The following NCKAP5 variants were observed in gnomAD, a reference collection of about 807,000 sequenced individuals.
NCKAP5 encodes the protein NCK associated protein 5.
Under a neutral mutation model 167.0 loss-of-function variants are expected in NCKAP5, and 92 were observed. The ratio of observed to expected loss-of-function variants is 0.55; its 90% CI spans 0.47 to 0.66. The LOEUF is 0.66. NCKAP5 is among the 30% of genes least tolerant of loss of function. NCKAP5 has a pLI of 0.00. For missense variants in NCKAP5, 2,378 were observed against 2,315.0 expected, an observed-to-expected ratio of 1.03 and a Z score of -0.56; for synonymous variants, 891 against 877.4, an observed-to-expected ratio of 1.02 and a Z score of -0.27.
intron 3 of NCKAP5, among the ~76,000 whole-genome samples, chr2:133,308,686 A>ATTTT (rs1559371090): frequency 3.4e-5 from 4 of 118,826 alleles, no homozygotes; most frequent in East Asian, 2.4e-4. Context: ...AAGAAATACA[A>ATTTT]TTCTTTTTTT....
At chr2:133,266,053 C>G (rs150193626) in intron 4 of NCKAP5, 2 of 152,448 alleles carry the variant, frequency 1.3e-5, no homozygotes, top group East Asian at 3.9e-4. Flanking sequence ...TGTTTCTGCA[C>G]GTGTGTGTGT....
intron 6 of NCKAP5, among the ~76,000 whole-genome samples, chr2:133,025,583 G>C (rs1483811606): frequency 6.6e-6 from 1 of 152,144 alleles, no homozygotes; most frequent in Non-Finnish European, 1.5e-5. Flanking sequence ...CTGACACTTT[G>C]TTAATTATGG....
intron 3 of NCKAP5, among the ~76,000 whole-genome samples, chr2:133,385,962 G>A (rs1018407891): frequency 5.9e-5 from 9 of 151,472 alleles, no homozygotes; most frequent in Middle Eastern, 3.4e-3. Flanking sequence ...TCTTGTTAGC[G>A]GTCAATCAAT....
At position 132,813,045 on chromosome 2, in the gene NCKAP5, G is replaced by T. The variant is rs538547302; in HGVS notation, c.808-16316C>A. 1.4e-3 allele frequency among the ~76,000 whole-genome samples: 215 copies of T among 152,326 alleles called. 1 individual carries two copies. Among genetic ancestry groups the T allele is most frequent in the African/African-American group, 4.9e-3 (204 of 41,566 alleles). Reference sequence around the variant, plus strand: ...TTCAACATATGAATTTGGGGGAAGAGACAAACATTCAGGCCAAAGCAGGGG... The same window carrying T: ...TTCAACATATGAATTTGGGGGAAGATACAAACATTCAGGCCAAAGCAGGGG... On this transcript the variant is annotated intron_variant, in intron 11 of 19. Coordinates refer to ENST00000409261, the MANE Select transcript of NCKAP5 (RefSeq NM_207363.3).
chr2:133,579,621 G>C, the NCKAP5 span, among the ~76,000 whole-genome samples: 1 of 152,172 alleles, frequency 6.6e-6, no homozygotes, highest in Non-Finnish European at 1.5e-5. Flanking sequence ...TTTAGATGCA[G>C]GAATGCAGAC....
At chr2:133,428,771 C>T (rs1689967281) in intron 3 of NCKAP5, among the ~76,000 whole-genome samples, 1 of 151,956 alleles carries the variant, frequency 6.6e-6, no homozygotes, top group Non-Finnish European at 1.5e-5. Flanking sequence ...TGCAACTGGA[C>T]AATACGTATT....
rs1198660273 is a variant in NCKAP5, at chr2:132,796,655, T to C, written c.882A>G (p.Thr294=). The C allele has an allele frequency of 1.2e-6, 2 of 1,613,280 alleles. No individual in the cohort carries two copies. Among genetic ancestry groups the C allele is most frequent in the African/African-American group, 2.7e-5 (2 of 74,922 alleles). The part of the protein sequence containing the change: ...LSEVERNRSL[T]QSRTDAEVHE... ...GCACCTCAGCATCAGTTCGTGACTGTGTCAGACTTCGGTTTCTTTCCACCT... is the reference window on the plus strand; with the variant it reads ...GCACCTCAGCATCAGTTCGTGACTGCGTCAGACTTCGGTTTCTTTCCACCT... The change falls in exon 12 of 20, where the codon ACA becomes ACG. Residue 294 remains threonine, a synonymous_variant. Coordinates refer to ENST00000409261, the MANE Select transcript of NCKAP5 (RefSeq NM_207363.3).
chr2:132,984,370 T>C (rs937741519), intron 7 of NCKAP5, among the ~76,000 whole-genome samples: 1 of 152,126 alleles, frequency 6.6e-6, no homozygotes, highest in African/African-American at 2.4e-5. Flanking sequence ...ATGGCCACCT[T>C]TCTAGACCCA....
At chr2:132,746,645 G>T (rs1266631306) in intron 16 of NCKAP5, among the ~76,000 whole-genome samples, 1 of 152,052 alleles carries the variant, frequency 6.6e-6, no homozygotes, top group Non-Finnish European at 1.5e-5. Context: ...ACTGTTATAT[G>T]TCCCCCCAAA....
chr2:133,054,733 T>A (rs4954025), intron 6 of NCKAP5, among the ~76,000 whole-genome samples: 93,894 of 151,982 alleles, frequency 0.62, 30,442 homozygotes, highest in East Asian at 0.96. Context: ...TATCCTCACA[T>A]GGTAGAATGA....
At chr2:133,147,454 C>T (rs185596933) in intron 5 of NCKAP5, among the ~76,000 whole-genome samples, 255 of 152,164 alleles carry the variant, frequency 1.7e-3, no homozygotes, top group African/African-American at 5.2e-3. Flanking sequence ...GCATTCATAT[C>T]GCTAATAATT....
Position 133,054,369 on chromosome 2 carries a change from T to C in NCKAP5, c.342-60130A>G, listed in dbSNP as rs1033844549. ...GACTAAAGAAAGGCACAACGTTCTA[T>C]GAGAGATCTATCAGAGAGGGGTTTA... is the stretch of plus-strand genomic sequence containing the variant. On this transcript the variant is annotated intron_variant, in intron 6 of 19. Transcript: ENST00000409261. Among the ~76,000 whole-genome samples, 110 of 152,322 alleles carry C rather than the reference T, an allele frequency of 7.2e-4. 1 individual carries two copies. Among genetic ancestry groups the C allele is most frequent in the African/African-American group, 2.5e-3 (106 of 41,578 alleles).
intron 18 of NCKAP5, 48 bp downstream of exon 18, chr2:132,728,768 T>C (rs1490711778): frequency 6.3e-7 from 1 of 1,593,886 alleles, no homozygotes; most frequent in Non-Finnish European, 8.5e-7. Flanking sequence ...CTTTTTAGAA[T>C]CAGGACCAAC....
the NCKAP5 span, among the ~76,000 whole-genome samples, chr2:133,654,199 T>C: frequency 6.6e-6 from 1 of 151,952 alleles, no homozygotes; most frequent in Non-Finnish European, 1.5e-5. Flanking sequence ...CTGGCCAATA[T>C]GGTGAAACCC....
At chr2:133,607,434 C>G in the NCKAP5 span, among the ~76,000 whole-genome samples, 1 of 152,084 alleles carries the variant, frequency 6.6e-6, no homozygotes, top group South Asian at 2.1e-4. Flanking sequence ...TAACCAGTCA[C>G]CCATCCCTGC....
At chr2:133,320,470 T>C (rs574330075) in intron 3 of NCKAP5, among the ~76,000 whole-genome samples, 25 of 152,314 alleles carry the variant, frequency 1.6e-4, no homozygotes, top group Non-Finnish European at 3.5e-4. Flanking sequence ...GGCTCACGCC[T>C]GTAATCCCAG....
At chr2:133,236,723 A>G (rs1487685820) in intron 4 of NCKAP5, among the ~76,000 whole-genome samples, 2 of 152,242 alleles carry the variant, frequency 1.3e-5, no homozygotes, top group South Asian at 2.1e-4. Flanking sequence ...CAACTCTGCT[A>G]ATTAGAAAGT....
At chr2:133,119,964 A>T (rs1275457532) in intron 6 of NCKAP5, among the ~76,000 whole-genome samples, 2 of 152,168 alleles carry the variant, frequency 1.3e-5, no homozygotes, top group Non-Finnish European at 2.9e-5. Flanking sequence ...GATAAAACAT[A>T]AAAGTAAAAA....
chr2:132,860,032 T>A (rs1306027289), intron 11 of NCKAP5, among the ~76,000 whole-genome samples: 1 of 152,106 alleles, frequency 6.6e-6, no homozygotes, highest in Non-Finnish European at 1.5e-5. Context: ...GACGTTCTGT[T>A]ATAAGAAGGA....
Sources: allele counts gnomAD v4.1 joint callset (sites outside exome capture counted in the v4.1 genomes callset), GRCh38; gene constraint gnomAD v4.1.1; transcripts MANE v1.5; gene names NCBI Gene and HGNC (gene_info 2026-07-23, HGNC 2026-07-21).